RASEF: variants seen among roughly 807,000 people sequenced by gnomAD.
RASEF encodes ras and EF-hand domain-containing protein.
RASEF carries 68 observed loss-of-function variants against 90.1 expected under a neutral mutation model. That is an observed-to-expected ratio of 0.75 (90% CI 0.62 to 0.92). The LOEUF (loss-of-function observed/expected upper bound fraction) is 0.92, where lower values mean the gene tolerates loss of function less well. RASEF is among the 40% of genes least tolerant of loss of function. The probability of loss-of-function intolerance (pLI) is 0.00; values close to 1 mark genes in which losing one functional copy is unlikely to be tolerated. For missense variants in RASEF, 949 were observed against 937.2 expected, an observed-to-expected ratio of 1.01 and a Z score of -0.16; for synonymous variants, 331 against 345.2, an observed-to-expected ratio of 0.96 and a Z score of 0.46.
chr9:83,021,359 T>C (rs561830104), intron 3 of RASEF, among the ~76,000 whole-genome samples: 1 of 152,344 alleles, frequency 6.6e-6, no homozygotes, highest in African/African-American at 2.4e-5. Flanking sequence ...ACTTGTACAT[T>C]ATTTTGCTGC....
At chr9:83,063,917 G>C (rs1192103191), upstream of RASEF, among the ~76,000 whole-genome samples, 2 of 152,146 alleles carry the variant, frequency 1.3e-5, no homozygotes, top group African/African-American at 4.8e-5. Context: ...TTTTCCAGGA[G>C]ACCCTCAGTC....
At chr9:83,162,766 G>A in the RASEF span, among the ~76,000 whole-genome samples, 2 of 152,186 alleles carry the variant, frequency 1.3e-5, no homozygotes, top group Non-Finnish European at 2.9e-5. Context: ...ACCACAGCAG[G>A]AACCACTGCC....
At chr9:83,036,668 C>G (rs1200810126) in intron 1 of RASEF, among the ~76,000 whole-genome samples, 1 of 151,946 alleles carries the variant, frequency 6.6e-6, no homozygotes, top group Non-Finnish European at 1.5e-5. Context: ...GACATGACAA[C>G]AAAATGGAAC....
At chr9:83,199,520 G>A in the RASEF span, among the ~76,000 whole-genome samples, 16 of 152,138 alleles carry the variant, frequency 1.1e-4, no homozygotes, top group African/African-American at 3.9e-4. Flanking sequence ...GAGCATCAGG[G>A]AGTGACACCA....
chr9:83,176,419 C>A, the RASEF span, among the ~76,000 whole-genome samples: 1 of 151,950 alleles, frequency 6.6e-6, no homozygotes, highest in African/African-American at 2.4e-5. Flanking sequence ...ATAGTTGAGT[C>A]TCTTTTTCTA....
At chr9:82,992,138 A>G (rs1013320095) in intron 15 of RASEF, among the ~76,000 whole-genome samples, 1 of 152,238 alleles carries the variant, frequency 6.6e-6, no homozygotes, top group African/African-American at 2.4e-5. Context: ...TTTGAAGTTC[A>G]CATACGTATG....
At chr9:83,155,447 G>T in the RASEF span, among the ~76,000 whole-genome samples, 1 of 152,148 alleles carries the variant, frequency 6.6e-6, no homozygotes, top group East Asian at 1.9e-4. Context: ...TGAGAACCAA[G>T]CAAAATGGAT....
intron 7 of RASEF, among the ~76,000 whole-genome samples, chr9:83,007,110 A>AC (rs2118479059): frequency 6.7e-6 from 1 of 150,010 alleles, no homozygotes; most frequent in African/African-American, 2.5e-5. Context: ...AAAAAAAAAA[A>AC]CTCACGGTAC....
chr9:83,101,115 T>C, the RASEF span, among the ~76,000 whole-genome samples: 14 of 152,188 alleles, frequency 9.2e-5, no homozygotes, highest in African/African-American at 2.4e-5. Context: ...GCATTTCAGT[T>C]CATTACTTCA....
At chr9:83,192,018 C>T in the RASEF span, among the ~76,000 whole-genome samples, 1 of 152,120 alleles carries the variant, frequency 6.6e-6, no homozygotes, top group South Asian at 2.1e-4. Flanking sequence ...CCATCTCACA[C>T]CAGTCAGAAT....
At chr9:83,130,138 A>G in the RASEF span, among the ~76,000 whole-genome samples, 1 of 152,234 alleles carries the variant, frequency 6.6e-6, no homozygotes, top group Admixed American at 6.5e-5. Flanking sequence ...TCTTGAAGTC[A>G]GTCTTTCTAT....
chr9:83,213,057 C>T, the RASEF span, among the ~76,000 whole-genome samples: 5 of 146,936 alleles, frequency 3.4e-5, no homozygotes, highest in East Asian at 2.0e-4. Flanking sequence ...TCTTTTAGTA[C>T]GATAAACCGG....
chr9:82,984,356 T>C (rs2118353850), intron 16 of RASEF, among the ~76,000 whole-genome samples: 1 of 152,256 alleles, frequency 6.6e-6, no homozygotes, highest in Non-Finnish European at 1.5e-5. Flanking sequence ...ACATTGTGAG[T>C]GGCTAGTGGC....
chr9:83,203,979 G>C, the RASEF span, among the ~76,000 whole-genome samples: 1 of 152,198 alleles, frequency 6.6e-6, no homozygotes, highest in Admixed American at 6.5e-5. Flanking sequence ...AACTCATTTT[G>C]ATGGCAGTGT....
rs1486951680 is a variant in RASEF at position 82,979,625 on chromosome 9, A to G, written c.*3052T>C. 1 of 152,268 alleles carries G rather than the reference A, an allele frequency of 6.6e-6. No individual in the cohort carries two copies. The highest frequency in any genetic ancestry group is 1.5e-5 in the Non-Finnish European group (1 of 68,050). 9.4% of individuals were successfully genotyped at this position (152,268 alleles called of 1,614,324 possible). A position where few individuals can be genotyped will look rare whatever the true frequency, so the allele number is the denominator to read the frequency against. ...GCAAGCTTTATTGAATTTACAACGT[A>G]GAAAATATTTGTAGTTCCTTAGACA... is the stretch of plus-strand genomic sequence containing the variant. On this transcript the variant is annotated 3_prime_UTR_variant, in exon 17 of 17. Coordinates refer to ENST00000376447, the MANE Select transcript of RASEF (RefSeq NM_152573.4).
the RASEF span, among the ~76,000 whole-genome samples, chr9:83,115,326 G>C: frequency 6.6e-6 from 1 of 151,930 alleles, no homozygotes. Context: ...TATCTTCAAG[G>C]GAACTTGAAC....
chr9:83,065,320 T>C (rs1050954352), upstream of RASEF, among the ~76,000 whole-genome samples: 7 of 152,032 alleles, frequency 4.6e-5, no homozygotes, highest in Non-Finnish European at 8.8e-5. Context: ...ATCTCTCAGG[T>C]GGTTTTCTTG....
the RASEF span, among the ~76,000 whole-genome samples, chr9:83,190,351 T>C: frequency 6.6e-6 from 1 of 152,210 alleles, no homozygotes; most frequent in Non-Finnish European, 1.5e-5. Flanking sequence ...TTAAAATATA[T>C]TTGTAAATCA....
At chr9:83,173,050 G>A in the RASEF span, among the ~76,000 whole-genome samples, 1 of 151,854 alleles carries the variant, frequency 6.6e-6, no homozygotes, top group Non-Finnish European at 1.5e-5. Flanking sequence ...TTCCTTCAGC[G>A]TTTTGAATCT....
Sources: allele counts gnomAD v4.1 joint callset (sites outside exome capture counted in the v4.1 genomes callset), GRCh38; gene constraint gnomAD v4.1.1; transcripts MANE v1.5; gene names NCBI Gene and HGNC (gene_info 2026-07-23, HGNC 2026-07-21).